Variants in FRMD4B observed in about 807,000 individuals in gnomAD.
FRMD4B encodes FERM domain containing 4B, also known as FERM domain-containing protein 4B.
A neutral mutation model predicts 141.5 loss-of-function variants in FRMD4B; 74 were observed. The ratio of observed to expected loss-of-function variants is 0.52; its 90% CI spans 0.43 to 0.63. The LOEUF (loss-of-function observed/expected upper bound fraction) is 0.63. FRMD4B is among the 30% of genes least tolerant of loss of function. The pLI is 0.00. For missense variants in FRMD4B, 1,366 were observed against 1,253.4 expected, an observed-to-expected ratio of 1.09 and a Z score of -1.36; for synonymous variants, 506 against 467.9, an observed-to-expected ratio of 1.08 and a Z score of -1.05.
intron 4 of FRMD4B, among the ~76,000 whole-genome samples, chr3:69,295,940 C>T (rs1317916322): frequency 6.6e-6 from 1 of 152,154 alleles, no homozygotes; most frequent in Non-Finnish European, 1.5e-5. Flanking sequence ...CCTCAGCCTC[C>T]CGCGTAGCTG....
intron 1 of FRMD4B, among the ~76,000 whole-genome samples, chr3:69,532,253 T>C (rs1701018144): frequency 6.6e-6 from 1 of 152,238 alleles, no homozygotes; most frequent in Non-Finnish European, 1.5e-5. Flanking sequence ...GTCTAAATAC[T>C]AAAAGGTTAT....
intron 1 of FRMD4B, among the ~76,000 whole-genome samples, chr3:69,475,526 C>T (rs369365155): frequency 6.6e-5 from 10 of 152,012 alleles, no homozygotes; most frequent in Admixed American, 4.6e-4. Context: ...TCCCTACAAA[C>T]GACATGAACT....
intron 19 of FRMD4B, among the ~76,000 whole-genome samples, chr3:69,183,303 C>G (rs1442955530): frequency 6.6e-6 from 1 of 151,924 alleles, no homozygotes; most frequent in Non-Finnish European, 1.5e-5. Flanking sequence ...ATCCCCCCAC[C>G]ACCAGCTACC....
chr3:69,427,314 ATTAC>A (rs943763872), intron 2 of FRMD4B, among the ~76,000 whole-genome samples: 4 of 148,462 alleles, frequency 2.7e-5, no homozygotes, highest in African/African-American at 7.3e-5. Flanking sequence ...ATTGTTATAT[ATTAC>A]TTAATATACC....
chr3:69,385,705 G>T, intron 1 of FRMD4B, 123 bp downstream of exon 1: 1 of 818,486 alleles, frequency 1.2e-6, no homozygotes. Flanking sequence ...TGACCCAAGG[G>T]CCAAGCAGTC....
chr3:69,484,540 C>T (rs369097323), intron 1 of FRMD4B, among the ~76,000 whole-genome samples: 7 of 152,020 alleles, frequency 4.6e-5, no homozygotes, highest in East Asian at 3.9e-4. Context: ...AGAGGAGACC[C>T]GCAGTGATTA....
At chr3:69,260,917 G>A (rs116700986) in intron 5 of FRMD4B, among the ~76,000 whole-genome samples, 5,313 of 152,300 alleles carry the variant, frequency 0.035, 153 homozygotes, top group East Asian at 0.1. Context: ...GTCTAGCTCA[G>A]GGACTGTAAT....
chr3:69,344,217 G>A (rs6774274), intron 1 of FRMD4B, among the ~76,000 whole-genome samples: 4 of 152,108 alleles, frequency 2.6e-5, no homozygotes, highest in South Asian at 2.1e-4. Context: ...CAACCTTGCC[G>A]TACTTAGTTT....
intron 5 of FRMD4B, among the ~76,000 whole-genome samples, chr3:69,279,656 C>T (rs763162012): frequency 1.2e-4 from 15 of 121,660 alleles, no homozygotes; most frequent in Admixed American, 4.1e-4. Context: ...GAGTTGCTAT[C>T]CTCCTCCTCC....
chr3:69,277,877 A>G (rs879608556), intron 5 of FRMD4B, among the ~76,000 whole-genome samples: 15 of 144,000 alleles, frequency 1.0e-4, no homozygotes, highest in Non-Finnish European at 1.9e-4. Context: ...TTTTCTTGAG[A>G]CAGAGTCTCG....
At chr3:69,505,187 T>C (rs1706575958) in intron 1 of FRMD4B, among the ~76,000 whole-genome samples, 1 of 150,792 alleles carries the variant, frequency 6.6e-6, no homozygotes, top group Non-Finnish European at 1.5e-5. Context: ...CTGGGCAAGA[T>C]AGGAAGACCC....
In FRMD4B at chr3:69,311,316, T is replaced by C. The variant is rs768734283; in HGVS notation, c.270A>G (p.Ser90=). The C allele has an allele frequency of 1.5e-5, 24 of 1,602,764 alleles. 1 individual carries two copies. Among genetic ancestry groups the C allele is most frequent in the Non-Finnish European group, 2.1e-5 (24 of 1,170,392 alleles). ...LARELLDLVA[S]HFNLKEKEYF... ...ACTCCTTTTCTTTCAGGTTGAAATG[T>C]GAAGCCACTAGGTCCAGCAACTCTC... Residue 90 remains serine (S), a synonymous_variant, in exon 3 of 23, where the codon TCA becomes TCG. Transcript: ENST00000398540.
intron 1 of FRMD4B, among the ~76,000 whole-genome samples, chr3:69,437,832 T>C (rs1705284052): frequency 1.6e-5 from 2 of 128,498 alleles, no homozygotes. Flanking sequence ...ATATTTATAT[T>C]CATATATAGT....
chr3:69,476,879 C>G (rs956499725), intron 1 of FRMD4B, among the ~76,000 whole-genome samples: 6 of 152,052 alleles, frequency 3.9e-5, no homozygotes, highest in Non-Finnish European at 4.4e-5. Context: ...TTTTATTTCA[C>G]TGAGCAGTGG....
intron 1 of FRMD4B, among the ~76,000 whole-genome samples, chr3:69,467,380 A>G (rs1336215082): frequency 1.3e-5 from 2 of 152,174 alleles, no homozygotes; most frequent in East Asian, 3.9e-4. Context: ...GCTCACAACT[A>G]CTACATCACA....
chr3:69,278,960 T>G (rs1241181366), intron 5 of FRMD4B, among the ~76,000 whole-genome samples: 1 of 152,124 alleles, frequency 6.6e-6, no homozygotes, highest in Non-Finnish European at 1.5e-5. Flanking sequence ...ATGCTCAGTC[T>G]CTCCAAGGTC....
At chr3:69,224,329 C>T (rs1419090680) in intron 8 of FRMD4B, among the ~76,000 whole-genome samples, 1 of 152,110 alleles carries the variant, frequency 6.6e-6, no homozygotes, top group Non-Finnish European at 1.5e-5. Flanking sequence ...ATATATTCAC[C>T]TAGGAGCATA....
intron 1 of FRMD4B, among the ~76,000 whole-genome samples, chr3:69,347,228 A>G (rs1224892358): frequency 1.3e-5 from 2 of 152,206 alleles, no homozygotes; most frequent in Admixed American, 1.3e-4. Flanking sequence ...ATCAAAAGAG[A>G]CAAAGAAGGC....
At chr3:69,249,739 T>A (rs567238423) in intron 6 of FRMD4B, among the ~76,000 whole-genome samples, 32 of 152,286 alleles carry the variant, frequency 2.1e-4, no homozygotes, top group African/African-American at 6.7e-4. Context: ...ATTACAGCTG[T>A]TGTAACAACT....
Sources: allele counts gnomAD v4.1 joint callset (sites outside exome capture counted in the v4.1 genomes callset), GRCh38; gene constraint gnomAD v4.1.1; transcripts MANE v1.5; gene names NCBI Gene and HGNC (gene_info 2026-07-23, HGNC 2026-07-21).